DNAH1: variants seen among roughly 807,000 people sequenced by gnomAD.
DNAH1 encodes axonemal beta dynein heavy chain 1.
In DNAH1, 327 loss-of-function variants were observed where a neutral mutation model predicts 484.3. That is an observed-to-expected ratio of 0.68 (90% CI 0.62 to 0.74). The LOEUF (loss-of-function observed/expected upper bound fraction) is 0.74. Among genes scored for constraint, DNAH1 ranks in the 30% least tolerant of loss-of-function variants. DNAH1 has a pLI of 0.00. For synonymous variants in DNAH1, 2,192 were observed against 2,191.9 expected (o/e 1.00, Z 0.00); for missense variants, 5,052 against 5,546.8 (o/e 0.91, Z 2.83).
chr3:52,365,056 G>A, intron 34 of DNAH1, 37 bp downstream of exon 34: 1 of 1,580,800 alleles, frequency 6.3e-7, no homozygotes, highest in Non-Finnish European at 8.6e-7. Flanking sequence ...GGAGGGGCTG[G>A]CCATGGCCAC....
In DNAH1 at chr3:52,358,765, TC is replaced by T; in HGVS notation, c.4266+30del. The T allele has an allele frequency of 6.2e-7, 1 of 1,610,352 alleles. No homozygotes were observed. ...GAGCCGCCCGCAGCCCGTGCAGCCT[TC>T]CACCCCTGCACCCCTCTGCTCCCTC... On this transcript the variant is annotated intron_variant, in intron 25 of 77. Transcript: ENST00000420323. This position sits in a 1 kb window ranked among gnomAD's most constrained non-coding sequence, Gnocchi z 4.2.
At chr3:52,333,226 G>A (rs2153223297) in intron 8 of DNAH1, among the ~76,000 whole-genome samples, 1 of 152,292 alleles carries the variant, frequency 6.6e-6, no homozygotes, top group East Asian at 1.9e-4. Flanking sequence ...TAGAAGCCAA[G>A]ATCTGGGCAT....
At chr3:52,398,577 C>T (rs1488364656) in intron 75 of DNAH1, among the ~76,000 whole-genome samples, 1 of 152,188 alleles carries the variant, frequency 6.6e-6, no homozygotes, top group African/African-American at 2.4e-5. Flanking sequence ...CATGAGCCAC[C>T]GCACCTGGCC....
intron 60 of DNAH1, 42 bp downstream of exon 60, chr3:52,389,628 GT>G (rs1346670986): frequency 3.1e-5 from 43 of 1,373,552 alleles, no homozygotes; most frequent in Non-Finnish European, 4.1e-5. Context: ...AGGGCCTGTG[GT>G]GTGGTCCAGG....
Position 52,399,230 on chromosome 3 carries a change from T to A in DNAH1, c.12441+29T>A, listed in dbSNP as rs112276227. 50 of 1,575,304 alleles carry A rather than the reference T, an allele frequency of 3.2e-5. No individual in the cohort carries two copies. In the African/African-American group the frequency reaches 5.0e-4, roughly 16 times the overall value. On this transcript the variant is annotated intron_variant, in intron 76 of 77. Coordinates refer to ENST00000420323, the MANE Select transcript of DNAH1 (RefSeq NM_015512.5). ...TGGGCACAGCCAGGGCCAGGTCAGG[T>A]GACAGGCTAGGGTACAGCCCAGGGA...
chr3:52,326,076 G>A, intron 3 of DNAH1, 64 bp from the exon 4 acceptor site: 1 of 1,390,356 alleles, frequency 7.2e-7, no homozygotes, highest in Non-Finnish European at 9.5e-7. Flanking sequence ...ATTTTATGGG[G>A]TGGAGGCTGG....
Position 52,361,878 on chromosome 3 carries a change from C to A in DNAH1, c.4980+112C>A. On this transcript the variant is annotated intron_variant, in intron 30 of 77. Coordinates refer to ENST00000420323, the MANE Select transcript of DNAH1 (RefSeq NM_015512.5). The surrounding 1 kb of genome is among the most constrained non-coding windows in gnomAD (Gnocchi z 5.6). ...CGCTAAGGTCCACCCTGGGTCCAGC[C>A]TCTCTTGTCCCGGGGGCACACCCTA... 8.6e-7 allele frequency: 1 copy of A among 1,165,562 alleles called. No individual in the cohort carries two copies. Among genetic ancestry groups the A allele is most frequent in the Non-Finnish European group, 1.2e-6 (1 of 824,694 alleles). 72.2% of individuals were successfully genotyped at this position (1,165,562 alleles called of 1,614,324 possible).
In DNAH1 at chr3:52,388,574, G is replaced by C; in HGVS notation, c.9328G>C (p.Glu3110Gln). The stretch of plus-strand genomic sequence containing the variant: ...GAAGGAGGAGCTGGAGCTGAAGTGT[G>C]AGCAGTGTGAGCAGCGGCTGGGCCG... ...TKKEELELKCEQCEQRLGRAG... is the reference protein window; with the variant it reads ...TKKEELELKCQQCEQRLGRAG... The change falls in exon 58 of 78, where the codon GAG (glutamate) becomes CAG (glutamine). Residue 3110 changes from glutamate to glutamine, a missense_variant. Physicochemically the swap from Glu to Gln is conservative, Grantham distance 29. Coordinates refer to ENST00000420323, the MANE Select transcript of DNAH1 (RefSeq NM_015512.5). The C allele has an allele frequency of 6.2e-7, 1 of 1,612,500 alleles. No homozygotes were observed. The highest frequency in any genetic ancestry group is 8.5e-7 in the Non-Finnish European group (1 of 1,179,468).
At chr3:52,378,473 C>T in intron 46 of DNAH1, 129 bp from the exon 47 acceptor site, 1 of 1,028,166 alleles carries the variant, frequency 9.7e-7, no homozygotes, top group South Asian at 1.5e-5. Context: ...TACGTGGAAT[C>T]CAAGCCTGAA....
Position 52,357,649 on chromosome 3 carries a change from C to G in DNAH1, c.3894C>G (p.Asp1298Glu), listed in dbSNP as rs1160727844. 6 of 1,599,826 alleles carry G rather than the reference C, an allele frequency of 3.8e-6. No homozygotes were observed. Among genetic ancestry groups the G allele is most frequent in the Non-Finnish European group, 5.1e-6 (6 of 1,172,856 alleles). The change falls in exon 23 of 78, where the codon GAC becomes GAG. Residue 1298 changes from aspartate (D) to glutamate (E), a missense_variant. Around this residue, in one of 4 missense-constraint regions of DNAH1, gnomAD observed 2,929 missense variants for 3,409.4 expected, o/e 0.86. Coordinates refer to ENST00000420323, the MANE Select transcript of DNAH1 (RefSeq NM_015512.5). Reference sequence around the variant, plus strand: ...TGTGTTCCGACCTGAGAATGCTGGACAGCCTGCGGGACTGCAACAAGATTC... The same window carrying G: ...TGTGTTCCGACCTGAGAATGCTGGAGAGCCTGCGGGACTGCAACAAGATTC... Reference protein sequence around the residue: ...INVCSDLRMLDSLRDCNKILD... With the variant: ...INVCSDLRMLESLRDCNKILD...
rs1224149087 is a variant in DNAH1 at position 52,395,261 on chromosome 3, C to G, written c.10969-47C>G. 6.3e-7 allele frequency: 1 copy of G among 1,595,166 alleles called. No homozygotes were observed. Among genetic ancestry groups the G allele is most frequent in the Non-Finnish European group, 8.6e-7 (1 of 1,169,372 alleles). ...CCAGATCCCCCTCCCTTGCCCCGATCTCTCTGCAGCCCCAGGTGGTCTCAG... is the reference window on the plus strand; with the variant it reads ...CCAGATCCCCCTCCCTTGCCCCGATGTCTCTGCAGCCCCAGGTGGTCTCAG... On this transcript the variant is annotated intron_variant, in intron 68 of 77. Coordinates refer to ENST00000420323, the MANE Select transcript of DNAH1 (RefSeq NM_015512.5). This position sits in a 1 kb window ranked among gnomAD's most constrained non-coding sequence, Gnocchi z 4.4.
chr3:52,364,665 G>C lies in DNAH1; in HGVS notation c.5272G>C (p.Val1758Leu). The C allele has an allele frequency of 6.2e-7, 1 of 1,613,982 alleles. No homozygotes were observed. The highest frequency in any genetic ancestry group is 8.5e-7 in the Non-Finnish European group (1 of 1,179,902). Reference protein sequence around the residue: ...QDHYDFGMRAVKTVISAAGNL... With the variant: ...QDHYDFGMRALKTVISAAGNL... ...TCACTATGACTTCGGGATGAGAGCC[G>C]TGAAAACTGTGATCTCGGCTGCTGG... The change falls in exon 33 of 78, where the codon GTG (valine) becomes CTG (leucine). Residue 1758 changes from valine (V) to leucine (L), a missense_variant. Physicochemically the swap from Val to Leu is conservative, Grantham distance 32. Around this residue, in one of 4 missense-constraint regions of DNAH1, gnomAD observed 2,929 missense variants for 3,409.4 expected, o/e 0.86. Transcript: ENST00000420323. The surrounding 1 kb of genome is among the most constrained non-coding windows in gnomAD (Gnocchi z 4.2).
chr3:52,328,355 A>G (rs778557938), intron 6 of DNAH1, among the ~76,000 whole-genome samples: 1 of 152,180 alleles, frequency 6.6e-6, no homozygotes. Flanking sequence ...CAGAAGCCCC[A>G]TTGTTGCAGC....
chr3:52,372,653 C>G (rs1166534055), intron 43 of DNAH1, among the ~76,000 whole-genome samples: 4 of 152,252 alleles, frequency 2.6e-5, no homozygotes, highest in Non-Finnish European at 4.4e-5. Flanking sequence ...CTGTGAGAAG[C>G]CTGTTGTCCA....
chr3:52,331,765 C>T (rs968601073), intron 7 of DNAH1, among the ~76,000 whole-genome samples: 2 of 151,710 alleles, frequency 1.3e-5, no homozygotes, highest in African/African-American at 2.4e-5. Flanking sequence ...ACTGGGATTA[C>T]AGGTGCCCAC....
chr3:52,353,005 AAGGGAG>A lies in DNAH1; in HGVS notation c.3028-88_3028-83del. ...ACGGTCAGGGACATCAGCCAGGAGCAAGGGAGAGGGAGAGGACCTGGCCCAAGAAGG... is the reference window on the plus strand; with the variant it reads ...ACGGTCAGGGACATCAGCCAGGAGCAAGGGAGAGGACCTGGCCCAAGAAGG... On this transcript the variant is annotated intron_variant, in intron 18 of 77. Coordinates refer to ENST00000420323, the MANE Select transcript of DNAH1 (RefSeq NM_015512.5). The surrounding 1 kb of genome is among the most constrained non-coding windows in gnomAD (Gnocchi z 5.0). 1.6e-6 allele frequency: 2 copies of A among 1,254,582 alleles called. No individual in the cohort carries two copies. The highest frequency in any genetic ancestry group is 2.2e-6 in the Non-Finnish European group (2 of 913,992). The allele number at this position is 1,254,582 out of a possible 1,614,324, so 77.7% of individuals were successfully genotyped here. A position where few individuals can be genotyped will look rare whatever the true frequency, so the allele number is the denominator to read the frequency against.
chr3:52,360,414 C>G lies in DNAH1; in HGVS notation c.4675C>G (p.Leu1559Val). ...GNSGRLVITP[L>V]TDRCYLTLTG... Reference sequence around the variant, plus strand: ...CAGTGGGAGGCTGGTGATCACGCCCCTCACCGACAGGTAAGCGTTCCCCTC... The same window carrying G: ...CAGTGGGAGGCTGGTGATCACGCCCGTCACCGACAGGTAAGCGTTCCCCTC... Residue 1559 changes from leucine to valine, a missense_variant, in exon 28 of 78, where the codon CTC becomes GTC. By Grantham distance (32) the Leu-to-Val change is conservative. Around this residue, in one of 4 missense-constraint regions of DNAH1, gnomAD observed 2,929 missense variants for 3,409.4 expected, o/e 0.86. Coordinates refer to ENST00000420323, the MANE Select transcript of DNAH1 (RefSeq NM_015512.5). The G allele has an allele frequency of 6.2e-7, 1 of 1,613,480 alleles. No individual in the cohort carries two copies. The highest frequency in any genetic ancestry group is 8.5e-7 in the Non-Finnish European group (1 of 1,179,546).
At chr3:52,328,824 C>G (rs951431733) in intron 6 of DNAH1, among the ~76,000 whole-genome samples, 6 of 152,180 alleles carry the variant, frequency 3.9e-5, no homozygotes, top group Admixed American at 6.5e-5. Flanking sequence ...GGTGGCTGTT[C>G]CCCTGTGCAG....
intron 52 of DNAH1, 93 bp from the exon 53 acceptor site, chr3:52,384,693 C>A: frequency 7.4e-7 from 1 of 1,342,746 alleles, no homozygotes; most frequent in Non-Finnish European, 1.0e-6. Flanking sequence ...CTGTGGCCCC[C>A]TCCTCGGCCC....
Sources: allele counts gnomAD v4.1 joint callset (sites outside exome capture counted in the v4.1 genomes callset), GRCh38; gene constraint gnomAD v4.1.1; regional missense constraint gnomAD v4.1.1; non-coding constraint Gnocchi (gnomAD v3.1); transcripts MANE v1.5; gene names NCBI Gene and HGNC (gene_info 2026-07-23, HGNC 2026-07-21).